HERC2: variants seen among roughly 807,000 people sequenced by gnomAD.
HERC2 encodes the protein HECT and RLD domain containing E3 ubiquitin protein ligase 2.
Under a neutral mutation model 537.7 loss-of-function variants are expected in HERC2, and 102 were observed. The observed-to-expected ratio is 0.19, with a 90% CI of 0.16 to 0.22. HERC2 has a LOEUF of 0.22. Among genes scored for constraint, HERC2 ranks in the 10% least tolerant of loss-of-function variants. HERC2 has a pLI of 1.00. For synonymous variants in HERC2, 2,224 were observed against 2,466.2 expected, an observed-to-expected ratio of 0.90 and a Z score of 2.91; for missense variants, 4,236 against 6,198.2, an observed-to-expected ratio of 0.68 and a Z score of 10.63.
intron 71 of HERC2, among the ~76,000 whole-genome samples, chr15:28,145,827 G>A (rs1891673032): frequency 6.6e-6 from 1 of 152,180 alleles, no homozygotes; most frequent in Non-Finnish European, 1.5e-5. Flanking sequence ...GCAGAGATAA[G>A]CCGGACATGT....
Position 28,113,898 on chromosome 15 carries a change from A to G in HERC2, c.13914-220T>C, listed in dbSNP as rs1887934768. On this transcript the variant is annotated intron_variant, in intron 90 of 92. Transcript: ENST00000261609. The surrounding 1 kb of genome is among the most constrained non-coding windows in gnomAD (Gnocchi z 7.0). ...CCAGCCGACAGGGTACGGCCTAATG[A>G]CCACCTACAGCTATGCACACCCCAA... Among the ~76,000 whole-genome samples the G allele has an allele frequency of 6.6e-6, 1 of 151,990 alleles. No individual in the cohort carries two copies. Among genetic ancestry groups the G allele is most frequent in the African/African-American group, 2.4e-5 (1 of 41,358 alleles).
At chr15:28,181,301 C>G (rs1462600874) in intron 57 of HERC2, among the ~76,000 whole-genome samples, 1 of 152,218 alleles carries the variant, frequency 6.6e-6, no homozygotes, top group Non-Finnish European at 1.5e-5. Flanking sequence ...TAGGCTCCCA[C>G]CAATGGCCTG....
At chr15:28,319,200 T>C (rs1436895902) in intron 2 of HERC2, among the ~76,000 whole-genome samples, 608 of 152,224 alleles carry the variant, frequency 4.0e-3, no homozygotes, top group African/African-American at 0.014. Flanking sequence ...CAATCACTTT[T>C]TTCATGCTAC....
chr15:28,290,374 C>T (rs546810149), intron 4 of HERC2, among the ~76,000 whole-genome samples: 11 of 152,148 alleles, frequency 7.2e-5, no homozygotes, highest in Admixed American at 3.3e-4. Context: ...AGATTACAGG[C>T]ACCCACCACC....
chr15:28,309,180 T>A (rs1188735566), intron 2 of HERC2, among the ~76,000 whole-genome samples: 5 of 152,252 alleles, frequency 3.3e-5, no homozygotes, highest in African/African-American at 1.2e-4. Context: ...ATCCATTTGG[T>A]CTACAGTGCA....
At chr15:28,257,321 C>T in intron 16 of HERC2, 60 bp from the exon 17 acceptor site, 3 of 1,420,640 alleles carry the variant, frequency 2.1e-6, no homozygotes, top group Non-Finnish European at 2.9e-6. Flanking sequence ...GTCTGCTCCA[C>T]AGGAGTCACC....
chr15:28,137,685 C>T (rs917834753), intron 78 of HERC2, among the ~76,000 whole-genome samples: 1 of 152,224 alleles, frequency 6.6e-6, no homozygotes, highest in African/African-American at 2.4e-5. Context: ...CTCTCTCCCT[C>T]TCCTCAGACC....
chr15:28,291,965 T>C (rs1015484592), intron 4 of HERC2, among the ~76,000 whole-genome samples: 11 of 144,038 alleles, frequency 7.6e-5, no homozygotes, highest in Non-Finnish European at 1.3e-4. Flanking sequence ...CAGTGGCTCA[T>C]GCCTGTAATA....
At chr15:28,251,923 T>C (rs1050743821) in intron 20 of HERC2, among the ~76,000 whole-genome samples, 12 of 152,240 alleles carry the variant, frequency 7.9e-5, no homozygotes, top group African/African-American at 2.7e-4. Flanking sequence ...TATTTCATAT[T>C]AAATCCTCAA....
intron 19 of HERC2, 102 bp downstream of exon 19, chr15:28,255,770 A>T (rs930115665): frequency 2.4e-6 from 3 of 1,276,340 alleles, no homozygotes; most frequent in Non-Finnish European, 3.2e-6. Context: ...GGATATGATA[A>T]AAGTTTAGAG....
chr15:28,269,230 A>C lies in HERC2; in HGVS notation c.1446+18T>G, dbSNP rs770680890. 1.2e-6 allele frequency: 2 copies of C among 1,607,046 alleles called. No homozygotes were observed. Among genetic ancestry groups the C allele is most frequent in the Non-Finnish European group, 8.5e-7 (1 of 1,175,284 alleles). The stretch of plus-strand genomic sequence containing the variant: ...CCCCGCAAGGGAACACTGCAGGCAC[A>C]GTGCCCAGAACACTCACCAGCGTGT... On this transcript the variant is annotated intron_variant, in intron 11 of 92. Coordinates refer to ENST00000261609, the MANE Select transcript of HERC2 (RefSeq NM_004667.6).
At chr15:28,304,312 C>A (rs1337698049) in intron 2 of HERC2, among the ~76,000 whole-genome samples, 2 of 151,328 alleles carry the variant, frequency 1.3e-5, no homozygotes, top group Non-Finnish European at 2.9e-5. Context: ...CAATCATCTG[C>A]AAACAAGAAT....
At chr15:28,199,358 T>C (rs1465425270) in intron 48 of HERC2, among the ~76,000 whole-genome samples, 3 of 152,096 alleles carry the variant, frequency 2.0e-5, no homozygotes, top group Non-Finnish European at 4.4e-5. Flanking sequence ...ATCAAAAACA[T>C]AACAGTGGAA....
chr15:28,199,478 A>G (rs1436431704), intron 48 of HERC2, among the ~76,000 whole-genome samples: 1 of 152,224 alleles, frequency 6.6e-6, no homozygotes, highest in Non-Finnish European at 1.5e-5. Flanking sequence ...CTGAAAACTG[A>G]TAAAGTCTCC....
chr15:28,133,651 T>C (rs1181437192), intron 79 of HERC2, among the ~76,000 whole-genome samples: 2 of 152,254 alleles, frequency 1.3e-5, no homozygotes, highest in African/African-American at 4.8e-5. Flanking sequence ...TTTAAGTTCA[T>C]TTCTTGCCAT....
At position 28,274,531 on chromosome 15, in the gene HERC2, C is replaced by T. The variant is rs2075821574; in HGVS notation, c.644-84G>A. 6.4e-6 allele frequency: 9 copies of T among 1,412,432 alleles called. No individual in the cohort carries two copies. In the Admixed American group the frequency reaches 1.8e-4, roughly 28 times the overall value. 87.5% of individuals were successfully genotyped at this position (1,412,432 alleles called of 1,614,324 possible). A position where few individuals can be genotyped will look rare whatever the true frequency, so the allele number is the denominator to read the frequency against. ...TCCCACCCCTCAGCGAGAGATGACG[C>T]CACTGTCACCTTTCCAATCCCTCAC... On this transcript the variant is annotated intron_variant, in intron 6 of 92. Coordinates refer to ENST00000261609, the MANE Select transcript of HERC2 (RefSeq NM_004667.6).
At position 28,122,772 on chromosome 15, in the gene HERC2, G is replaced by A. The variant is rs1409153261; in HGVS notation, c.13188+1265C>T. 6.6e-6 allele frequency among the ~76,000 whole-genome samples: 1 copy of A among 152,076 alleles called. No homozygotes were observed. The highest frequency in any genetic ancestry group is 2.4e-5 in the African/African-American group (1 of 41,414). ...CAGAGGTACCTTTCAGACGCCCTCAGCACTCCCCTGCTCTCCTGCAGCCCC... is the reference window on the plus strand; with the variant it reads ...CAGAGGTACCTTTCAGACGCCCTCAACACTCCCCTGCTCTCCTGCAGCCCC... On this transcript the variant is annotated intron_variant, in intron 85 of 92. Coordinates refer to ENST00000261609, the MANE Select transcript of HERC2 (RefSeq NM_004667.6). This position sits in a 1 kb window ranked among gnomAD's most constrained non-coding sequence, Gnocchi z 4.1.
At chr15:28,300,086 A>G (rs947500043) in intron 2 of HERC2, among the ~76,000 whole-genome samples, 4 of 151,708 alleles carry the variant, frequency 2.6e-5, no homozygotes, top group Non-Finnish European at 5.9e-5. Context: ...AAAGAAAAAA[A>G]AGACACACAC....
At chr15:28,114,965 G>A (rs1238420872) in intron 89 of HERC2, among the ~76,000 whole-genome samples, 163 bp from the exon 90 acceptor site, 1 of 151,968 alleles carries the variant, frequency 6.6e-6, no homozygotes, top group African/African-American at 2.4e-5. Flanking sequence ...GAGGAGCAAC[G>A]AGAGAGTACT....
Sources: allele counts gnomAD v4.1 joint callset (sites outside exome capture counted in the v4.1 genomes callset), GRCh38; gene constraint gnomAD v4.1.1; non-coding constraint Gnocchi (gnomAD v3.1); transcripts MANE v1.5; gene names NCBI Gene and HGNC (gene_info 2026-07-23, HGNC 2026-07-21).